SPON1: variants seen among roughly 807,000 people sequenced by gnomAD.
SPON1 encodes spondin-1.
Under a neutral mutation model 111.7 loss-of-function variants are expected in SPON1, and 52 were observed. That is an observed-to-expected ratio of 0.47 (90% CI 0.37 to 0.59). SPON1 has a LOEUF of 0.59. Among genes scored for constraint, SPON1 ranks in the 20% least tolerant of loss-of-function variants. The probability of loss-of-function intolerance (pLI) is 0.00; values close to 1 mark genes in which losing one functional copy is unlikely to be tolerated. For missense variants in SPON1, 957 were observed against 1,068.5 expected (o/e 0.90, Z 1.46); for synonymous variants, 410 against 395.8 (o/e 1.04, Z -0.43).
intron 5 of SPON1, among the ~76,000 whole-genome samples, chr11:14,089,123 A>G (rs1252967037): frequency 6.6e-6 from 1 of 151,928 alleles, no homozygotes; most frequent in African/African-American, 2.4e-5. Flanking sequence ...TCTGAAGCCT[A>G]CTTCTGTCAA....
At position 13,966,001 on chromosome 11, in the gene SPON1, GC is replaced by G. The variant is rs1848013067; in HGVS notation, c.238+2861del. ...TCCCCAAGCAGCTTCTGTTCTTTGTGCCTGCTGTCTAAGTACAGTCTTTAGG... is the reference window on the plus strand; with the variant it reads ...TCCCCAAGCAGCTTCTGTTCTTTGTGCTGCTGTCTAAGTACAGTCTTTAGG... On this transcript the variant is annotated intron_variant, in intron 1 of 15. Coordinates refer to ENST00000576479, the MANE Select transcript of SPON1 (RefSeq NM_006108.4). Among the ~76,000 whole-genome samples, 4 of 152,046 alleles carry G rather than the reference GC, an allele frequency of 2.6e-5. No homozygotes were observed. The South Asian group carries it at 8.3e-4, about 32-fold the overall frequency.
intron 5 of SPON1, among the ~76,000 whole-genome samples, chr11:14,129,246 T>C (rs1243508190): frequency 6.6e-6 from 1 of 152,192 alleles, no homozygotes; most frequent in African/African-American, 2.4e-5. Flanking sequence ...TAAACATAAG[T>C]TCCAATTTCA....
chr11:14,077,497 A>G (rs989647345), intron 4 of SPON1, among the ~76,000 whole-genome samples: 1 of 151,660 alleles, frequency 6.6e-6, no homozygotes, highest in Non-Finnish European at 1.5e-5. Context: ...CAGTGGCACG[A>G]TCTCGGCTCA....
intron 5 of SPON1, among the ~76,000 whole-genome samples, chr11:14,128,957 G>A (rs1273653231): frequency 6.6e-6 from 1 of 152,248 alleles, no homozygotes; most frequent in Non-Finnish European, 1.5e-5. Context: ...TTGAGCAGCT[G>A]GGACAGAAGG....
chr11:14,137,157 T>C (rs6416164), intron 6 of SPON1, among the ~76,000 whole-genome samples: 127,733 of 152,196 alleles, frequency 0.84, 53,777 homozygotes, highest in African/African-American at 0.91. Context: ...GAAAGAATCC[T>C]GCAGGAATCA....
chr11:14,208,838 T>A (rs1291499360), intron 6 of SPON1, among the ~76,000 whole-genome samples: 8 of 152,198 alleles, frequency 5.3e-5, no homozygotes, highest in Non-Finnish European at 1.2e-4. Flanking sequence ...TATGCCTGGT[T>A]TTGTGAGTAC....
At chr11:13,979,950 C>A (rs1554909409) in intron 1 of SPON1, among the ~76,000 whole-genome samples, 1 of 152,110 alleles carries the variant, frequency 6.6e-6, no homozygotes, top group Non-Finnish European at 1.5e-5. Context: ...CCAGCTCTGT[C>A]CCCTGACAGC....
At chr11:14,246,683 A>C (rs1040262180) in intron 7 of SPON1, among the ~76,000 whole-genome samples, 19 of 152,206 alleles carry the variant, frequency 1.2e-4, no homozygotes, top group Admixed American at 6.5e-4. Context: ...GGGTCCCCCC[A>C]AAAAAAGTCC....
rs190691215 is a variant in SPON1, at chr11:14,210,031, G to A, written c.826-33301G>A. On this transcript the variant is annotated intron_variant, in intron 6 of 15. Coordinates refer to ENST00000576479, the MANE Select transcript of SPON1 (RefSeq NM_006108.4). The stretch of plus-strand genomic sequence containing the variant: ...GACCAGCGATGATGGGCTTTTTTTC[G>A]TATGTTTGTTGGCCATGTAAATGTC... 5.2e-3 allele frequency among the ~76,000 whole-genome samples: 788 copies of A among 152,162 alleles called. 9 individuals carry two copies. Among genetic ancestry groups the A allele is most frequent in the African/African-American group, 0.018 (756 of 41,520 alleles).
chr11:14,243,250 T>A (rs1591424523), intron 6 of SPON1, 82 bp from the exon 7 acceptor site: 1 of 1,314,734 alleles, frequency 7.6e-7, no homozygotes, highest in East Asian at 2.5e-5. Flanking sequence ...GGAGTGGGGG[T>A]GAATGGTGTC....
intron 1 of SPON1, among the ~76,000 whole-genome samples, chr11:13,973,142 C>T (rs1848076294): frequency 6.6e-6 from 1 of 152,204 alleles, no homozygotes; most frequent in Non-Finnish European, 1.5e-5. Flanking sequence ...TTAGCTCATC[C>T]TGTGACTAAA....
chr11:14,195,971 A>AT (rs1848397232), intron 6 of SPON1, among the ~76,000 whole-genome samples: 2 of 152,162 alleles, frequency 1.3e-5, no homozygotes. Flanking sequence ...CTCTAGAAAC[A>AT]TTTTCTGTTT....
chr11:14,122,759 C>G (rs1847407054), intron 5 of SPON1, among the ~76,000 whole-genome samples: 1 of 152,140 alleles, frequency 6.6e-6, no homozygotes, highest in Admixed American at 6.5e-5. Flanking sequence ...CCAAAATTCC[C>G]TATCTGTTCA....
intron 5 of SPON1, among the ~76,000 whole-genome samples, chr11:14,131,881 T>G (rs550115711): frequency 1.3e-5 from 2 of 152,360 alleles, no homozygotes; most frequent in South Asian, 4.1e-4. Context: ...TTTCCATAGG[T>G]GCCTGTCTTG....
At chr11:14,211,316 A>G (rs1848574097) in intron 6 of SPON1, among the ~76,000 whole-genome samples, 1 of 152,204 alleles carries the variant, frequency 6.6e-6, no homozygotes, top group South Asian at 2.1e-4. Flanking sequence ...AAAAATCACA[A>G]GCATTCCTGT....
chr11:14,262,860 C>T lies in SPON1; in HGVS notation c.2145C>T (p.Cys715=). ...PCPETVQRKK[C]RIRKCLRNPS... ...CAGAGACTGTGCAGCGAAAAAAGTG[C>T]CGCATCCGAAAATGCCTTCGAAATC... The change falls in exon 15 of 16, where the codon TGC becomes TGT. Residue 715 remains cysteine (C), a synonymous_variant. Coordinates refer to ENST00000576479, the MANE Select transcript of SPON1 (RefSeq NM_006108.4). 2 of 1,613,798 alleles carry T rather than the reference C, an allele frequency of 1.2e-6. No homozygotes were observed. Among genetic ancestry groups the T allele is most frequent in the East Asian group, 2.2e-5 (1 of 44,860 alleles).
At chr11:14,021,114 A>T (rs1246876848) in intron 2 of SPON1, among the ~76,000 whole-genome samples, 1 of 152,114 alleles carries the variant, frequency 6.6e-6, no homozygotes, top group Non-Finnish European at 1.5e-5. Flanking sequence ...CCTGGGCACA[A>T]TTCACTTTCT....
chr11:14,041,650 C>T lies in SPON1; in HGVS notation c.475C>T (p.Leu159=). 6.2e-7 allele frequency: 1 copy of T among 1,613,310 alleles called. No homozygotes were observed. The highest frequency in any genetic ancestry group is 8.5e-7 in the Non-Finnish European group (1 of 1,179,700). The change falls in exon 3 of 16, where the codon CTG becomes TTG. Residue 159 remains leucine (L), a synonymous_variant. Transcript: ENST00000576479. ...APPAGTGCVI[L]KASIVQKRII... ...ACCAGCGGGAACAGGCTGCGTGATTCTGAAGTAAGTAAACATGGAATCCTT... is the reference window on the plus strand; with the variant it reads ...ACCAGCGGGAACAGGCTGCGTGATTTTGAAGTAAGTAAACATGGAATCCTT...
At chr11:14,153,136 C>A (rs566081648) in intron 6 of SPON1, among the ~76,000 whole-genome samples, 22 of 152,284 alleles carry the variant, frequency 1.4e-4, no homozygotes, top group African/African-American at 3.6e-4. Context: ...TATCTTCAAT[C>A]TTTTACAACA....
Sources: gnomAD v4.1 joint callset for allele counts (sites outside exome capture counted in the v4.1 genomes callset) on GRCh38, gnomAD v4.1.1 for gene constraint, MANE v1.5 for transcripts, NCBI Gene and HGNC (gene_info 2026-07-23, HGNC 2026-07-21) for gene names.